BPIFA2: variants seen among roughly 807,000 people sequenced by gnomAD.
BPIFA2 encodes the protein BPI fold containing family A member 2.
In BPIFA2, 20 loss-of-function variants were observed where a neutral mutation model predicts 25.7. The observed-to-expected ratio is 0.78, with a 90% confidence interval of 0.55 to 1.13. The LOEUF is 1.13. BPIFA2 is among the 50% of genes most tolerant of loss of function. The pLI is 0.00. For missense variants in BPIFA2, 300 were observed against 298.1 expected (o/e 1.01, Z -0.05); for synonymous variants, 126 against 124.3 (o/e 1.01, Z -0.09).
intron 2 of BPIFA2, among the ~76,000 whole-genome samples, chr20:33,170,204 T>A (rs1343421426): frequency 6.6e-6 from 1 of 152,236 alleles, no homozygotes; most frequent in African/African-American, 2.4e-5. Context: ...CCAATTTTAT[T>A]TAAAGTGTCA....
At chr20:33,166,310 C>G (rs987514838), upstream of BPIFA2, among the ~76,000 whole-genome samples, 1 of 152,178 alleles carries the variant, frequency 6.6e-6, no homozygotes, top group African/African-American at 2.4e-5. Context: ...AACCACCATG[C>G]CTGGCCAGAT....
chr20:33,161,790 A>G (rs1313220018), exon 1 of BPIFA2: 1 of 152,324 alleles, frequency 6.6e-6, no homozygotes, highest in African/African-American at 2.4e-5. Context: ...GGGGGGTGAC[A>G]TCCTCAGACC....
At chr20:33,173,966 A>G (rs1366416634) in intron 3 of BPIFA2, 113 bp from the exon 4 acceptor site, 34 of 795,856 alleles carry the variant, frequency 4.3e-5, no homozygotes, top group South Asian at 6.0e-5. Flanking sequence ...AGTGAAGACT[A>G]AAGAAGGCAA....
At chr20:33,168,886 A>G (rs1010991223) in intron 1 of BPIFA2, among the ~76,000 whole-genome samples, 6 of 152,210 alleles carry the variant, frequency 3.9e-5, no homozygotes, top group African/African-American at 1.4e-4. Context: ...ATGAAAAGGA[A>G]CTTTGTGTCA....
chr20:33,165,493 G>A (rs1222410092), upstream of BPIFA2, among the ~76,000 whole-genome samples: 3 of 152,204 alleles, frequency 2.0e-5, no homozygotes, highest in African/African-American at 7.2e-5. Context: ...CCCCCAGCCT[G>A]GCTGGCCCCT....
intron 6 of BPIFA2, 86 bp downstream of exon 6, chr20:33,178,314 AC>A: frequency 9.5e-7 from 1 of 1,053,800 alleles, no homozygotes; most frequent in Non-Finnish European, 1.4e-6. Flanking sequence ...TCCTCTGAGC[AC>A]TTTTCCTTCG....
chr20:33,173,793 C>T (rs537235418), intron 3 of BPIFA2, among the ~76,000 whole-genome samples: 3 of 152,166 alleles, frequency 2.0e-5, no homozygotes, highest in African/African-American at 4.8e-5. Flanking sequence ...CGTGAGTCAC[C>T]GTGCCCGGTC....
In BPIFA2 at chr20:33,172,983, C is replaced by T. The variant is rs200885048; in HGVS notation, c.209C>T (p.Ala70Val). ...CTAGGAGTGCTTCAGAAATCCAGTGCTTGGCAACTGGCCAAGCAGAAGGCC... is the reference window on the plus strand; with the variant it reads ...CTAGGAGTGCTTCAGAAATCCAGTGTTTGGCAACTGGCCAAGCAGAAGGCC... ...VDLGVLQKSS[A>V]WQLAKQKAQE... Residue 70 changes from alanine (A) to valine (V), a missense_variant, in exon 3 of 9, where the codon GCT becomes GTT. Ala to Val is a moderately conservative substitution (Grantham distance 64). Coordinates refer to ENST00000354932, the MANE Select transcript of BPIFA2 (RefSeq NM_080574.4). The T allele has an allele frequency of 1.7e-5, 28 of 1,613,938 alleles. No individual in the cohort carries two copies. Among genetic ancestry groups the T allele is most frequent in the South Asian group, 5.5e-5 (5 of 91,068 alleles).
intron 5 of BPIFA2, 33 bp from the exon 6 acceptor site, chr20:33,178,114 G>A (rs1352490564): frequency 1.3e-6 from 2 of 1,535,988 alleles, no homozygotes; most frequent in Non-Finnish European, 1.8e-6. Context: ...TTGCCCACTT[G>A]ACCAGACTTT....
intron 8 of BPIFA2, 59 bp from the exon 9 acceptor site, chr20:33,181,165 C>A (rs147125026): frequency 6.6e-6 from 1 of 152,652 alleles, no homozygotes; most frequent in African/African-American, 2.4e-5. Context: ...GGATGACTGA[C>A]AGCTGGGTGT....
At chr20:33,176,712 C>T (rs1370276309) in intron 5 of BPIFA2, among the ~76,000 whole-genome samples, 2 of 152,158 alleles carry the variant, frequency 1.3e-5, no homozygotes, top group East Asian at 3.9e-4. Context: ...GTGGTTCAAT[C>T]CCAAGTGCTC....
intron 5 of BPIFA2, among the ~76,000 whole-genome samples, chr20:33,176,733 T>C (rs1251795274): frequency 6.6e-6 from 1 of 152,172 alleles, no homozygotes; most frequent in East Asian, 1.9e-4. Flanking sequence ...CCCATGGTCA[T>C]GAAGGCTCTG....
chr20:33,164,464 A>G (rs1465330035), upstream of BPIFA2, among the ~76,000 whole-genome samples: 2 of 152,034 alleles, frequency 1.3e-5, no homozygotes, highest in South Asian at 2.1e-4. Flanking sequence ...TTGCCCTCAG[A>G]GAGTGGGACT....
At chr20:33,180,110 C>T (rs1279059263) in intron 7 of BPIFA2, among the ~76,000 whole-genome samples, 2 of 151,798 alleles carry the variant, frequency 1.3e-5, no homozygotes, top group Non-Finnish European at 2.9e-5. Flanking sequence ...CCCAGCTACT[C>T]GGGAGGCTGA....
chr20:33,178,428 G>A (rs556126086), intron 6 of BPIFA2, among the ~76,000 whole-genome samples, 200 bp downstream of exon 6: 1 of 152,304 alleles, frequency 6.6e-6, no homozygotes, highest in Admixed American at 6.5e-5. Flanking sequence ...AGCTGAAATT[G>A]CCAGGTCCCA....
At chr20:33,162,519 G>A (rs898819120) in intron 1 of BPIFA2, among the ~76,000 whole-genome samples, 5 of 152,172 alleles carry the variant, frequency 3.3e-5, no homozygotes, top group Non-Finnish European at 5.9e-5. Context: ...TAATCCTGCC[G>A]CTGGGCACAG....
intron 2 of BPIFA2, 94 bp downstream of exon 2, chr20:33,169,396 T>C (rs76950763): frequency 0.039 from 50,450 of 1,306,678 alleles, 1,398 homozygotes; most frequent in African/African-American, 0.13. Flanking sequence ...GGCTACTCTT[T>C]ATGGGCGGTT....
upstream of BPIFA2, among the ~76,000 whole-genome samples, chr20:33,164,176 G>A (rs377465692): frequency 5.1e-4 from 78 of 152,320 alleles, no homozygotes; most frequent in African/African-American, 1.8e-3. Flanking sequence ...GGCTCCAGCA[G>A]AAAATAATTT....
chr20:33,171,791 G>T (rs1037194806), intron 2 of BPIFA2, among the ~76,000 whole-genome samples: 1 of 152,220 alleles, frequency 6.6e-6, no homozygotes, highest in African/African-American at 2.4e-5. Context: ...CTGTTGGTGG[G>T]ACTGTAAATT....
Sources: allele counts gnomAD v4.1 joint callset (sites outside exome capture counted in the v4.1 genomes callset), GRCh38; gene constraint gnomAD v4.1.1; transcripts MANE v1.5; gene names NCBI Gene and HGNC (gene_info 2026-07-23, HGNC 2026-07-21).